The following ADAMTSL1 variants were observed in gnomAD, a reference collection of about 807,000 sequenced individuals.
ADAMTSL1 encodes the protein ADAMTS like 1, also known as ADAMTS-like protein 1.
Under a neutral mutation model 201.8 loss-of-function variants are expected in ADAMTSL1, and 126 were observed. The ratio of observed to expected loss-of-function variants is 0.62; its 90% CI spans 0.54 to 0.72. The LOEUF (loss-of-function observed/expected upper bound fraction) is 0.72, where lower values mean the gene tolerates loss of function less well. Ranked by LOEUF, ADAMTSL1 falls within the 30% of genes least tolerant of loss-of-function variation. ADAMTSL1 has a pLI of 0.00. For missense variants in ADAMTSL1, 2,679 were observed against 2,277.8 expected (o/e 1.18, Z -3.59); for synonymous variants, 1,121 against 903.4 (o/e 1.24, Z -4.32).
In ADAMTSL1 at chr9:18,151,730, ATGGCCCAAAACACATG is replaced by A. The variant is rs562702703; in HGVS notation, c.88-12117_88-12102del. 5.1e-3 allele frequency among the ~76,000 whole-genome samples: 776 copies of A among 152,194 alleles called. 3 individuals are homozygous for A. The highest frequency in any genetic ancestry group is 0.014 in the Middle Eastern group (4 of 294). On this transcript the variant is annotated intron_variant, in intron 1 of 29. Transcript: ENST00000680146. ...GAATTCCCAAATGGCCACAAGACAC[ATGGCCCAAAACACATG>A]TGGCCCAAAACACAAAAGGCCCAAA...
At chr9:18,126,881 G>A (rs189813343) in intron 1 of ADAMTSL1, among the ~76,000 whole-genome samples, 11 of 152,314 alleles carry the variant, frequency 7.2e-5, no homozygotes, top group African/African-American at 2.2e-4. Flanking sequence ...GTTGCAGTAT[G>A]AGAAGATAGA....
At chr9:18,565,529 A>G (rs1821828102) in intron 3 of ADAMTSL1, among the ~76,000 whole-genome samples, 1 of 151,740 alleles carries the variant, frequency 6.6e-6, no homozygotes, top group Admixed American at 6.6e-5. Context: ...CCTAGTATAC[A>G]TGAAAATATG....
At chr9:18,040,878 CA>C (rs1821399414) in intron 1 of ADAMTSL1, among the ~76,000 whole-genome samples, 1 of 152,058 alleles carries the variant, frequency 6.6e-6, no homozygotes. Flanking sequence ...ATCAGTTTGT[CA>C]TTATTTGTTC....
chr9:18,782,879 T>C (rs576785740), intron 19 of ADAMTSL1, among the ~76,000 whole-genome samples: 2 of 152,258 alleles, frequency 1.3e-5, no homozygotes, highest in African/African-American at 2.4e-5. Context: ...AAGAAGTCCA[T>C]TTGGCTGTAG....
At chr9:18,354,600 G>A (rs1836125217) in intron 2 of ADAMTSL1, among the ~76,000 whole-genome samples, 2 of 152,144 alleles carry the variant, frequency 1.3e-5, no homozygotes, top group Admixed American at 1.3e-4. Flanking sequence ...ATTGATGCCA[G>A]TGCAGACAGT....
chr9:18,516,550 A>T (rs1587431455), intron 2 of ADAMTSL1, among the ~76,000 whole-genome samples: 1 of 152,322 alleles, frequency 6.6e-6, no homozygotes. Context: ...AATTTGTAGC[A>T]GTGAGTTTCA....
intron 4 of ADAMTSL1, among the ~76,000 whole-genome samples, chr9:18,612,867 G>A (rs1239250154): frequency 6.6e-6 from 1 of 152,116 alleles, no homozygotes; most frequent in Admixed American, 6.6e-5. Context: ...TGACAAATGG[G>A]ATCTAATTAA....
At chr9:18,459,989 C>T (rs1056062047) in intron 2 of ADAMTSL1, among the ~76,000 whole-genome samples, 4 of 151,920 alleles carry the variant, frequency 2.6e-5, no homozygotes, top group African/African-American at 9.7e-5. Context: ...CAAGATTTGC[C>T]GAGAATATTA....
intron 2 of ADAMTSL1, among the ~76,000 whole-genome samples, chr9:18,315,891 T>C (rs868494379): frequency 1.2e-4 from 19 of 152,194 alleles, no homozygotes; most frequent in African/African-American, 4.6e-4. Context: ...CTCTCTCTGA[T>C]CTAGCAATCC....
At chr9:18,471,501 T>G (rs1486122459), upstream of ADAMTSL1, among the ~76,000 whole-genome samples, 1 of 152,228 alleles carries the variant, frequency 6.6e-6, no homozygotes, top group Non-Finnish European at 1.5e-5. Flanking sequence ...ACCATAAAGA[T>G]GGCATGTACA....
chr9:18,164,276 T>C (rs1827536248), intron 2 of ADAMTSL1, among the ~76,000 whole-genome samples: 1 of 151,966 alleles, frequency 6.6e-6, no homozygotes, highest in South Asian at 2.1e-4. Flanking sequence ...AGTCTGAACA[T>C]GAAATGGTAA....
intron 1 of ADAMTSL1, among the ~76,000 whole-genome samples, chr9:18,125,585 T>C (rs1398825103): frequency 6.6e-6 from 1 of 152,196 alleles, no homozygotes; most frequent in Admixed American, 6.5e-5. Flanking sequence ...GTGATCCATT[T>C]TGAGTTACAT....
At chr9:17,940,810 C>CT (rs996793808) in intron 1 of ADAMTSL1, among the ~76,000 whole-genome samples, 1 of 64,462 alleles carries the variant, frequency 1.6e-5, no homozygotes, top group Non-Finnish European at 3.1e-5. Context: ...ACACCCCCCC[C>CT]CCAAAAAAAA....
intron 1 of ADAMTSL1, among the ~76,000 whole-genome samples, chr9:17,917,161 T>C (rs1826126446): frequency 6.6e-6 from 1 of 152,178 alleles, no homozygotes; most frequent in African/African-American, 2.4e-5. Flanking sequence ...CAATATGTAG[T>C]ATATTCCATC....
intron 22 of ADAMTSL1, among the ~76,000 whole-genome samples, chr9:18,827,755 C>T (rs1195688126): frequency 6.6e-6 from 1 of 152,138 alleles, no homozygotes; most frequent in African/African-American, 2.4e-5. Flanking sequence ...CAGGTGCTTA[C>T]TGCATTCCAA....
At position 18,826,296 on chromosome 9, in the gene ADAMTSL1, C is replaced by G. The variant is rs1824554902; in HGVS notation, c.3947C>G (p.Ala1316Gly). The G allele has an allele frequency of 6.2e-7, 1 of 1,610,532 alleles. No homozygotes were observed. Among genetic ancestry groups the G allele is most frequent in the Non-Finnish European group, 8.5e-7 (1 of 1,179,030 alleles). ...INCQVAGVPE[A>G]EVTWFRNKSK... Reference sequence around the variant, plus strand: ...TTTTTCTTCCTAGGAGTGCCTGAAGCTGAAGTCACTTGGTTCAGGAATAAA... The same window carrying G: ...TTTTTCTTCCTAGGAGTGCCTGAAGGTGAAGTCACTTGGTTCAGGAATAAA... The change falls in exon 22 of 29, where the codon GCT becomes GGT. Residue 1316 changes from alanine (A) to glycine (G), a missense_variant. Ala to Gly is a moderately conservative substitution (Grantham distance 60). Transcript: ENST00000380548.
intron 2 of ADAMTSL1, among the ~76,000 whole-genome samples, chr9:18,376,927 C>T (rs1043487525): frequency 7.2e-5 from 11 of 152,170 alleles, no homozygotes; most frequent in Admixed American, 2.0e-4. Context: ...AAATAAAATA[C>T]GTTTTTATTT....
chr9:18,762,445 G>A (rs1161758735), intron 16 of ADAMTSL1, among the ~76,000 whole-genome samples: 2 of 152,128 alleles, frequency 1.3e-5, no homozygotes, highest in African/African-American at 4.8e-5. Flanking sequence ...TGTGAAATAA[G>A]TACATCTTGA....
At chr9:18,790,320 A>C (rs1224977703) in intron 19 of ADAMTSL1, among the ~76,000 whole-genome samples, 2 of 152,118 alleles carry the variant, frequency 1.3e-5, no homozygotes, top group Admixed American at 1.3e-4. Flanking sequence ...TCTTGGTTCC[A>C]ATTTGGGAAG....
Sources: gnomAD v4.1 joint callset for allele counts (sites outside exome capture counted in the v4.1 genomes callset) on GRCh38, gnomAD v4.1.1 for gene constraint, MANE v1.5 for transcripts, NCBI Gene and HGNC (gene_info 2026-07-23, HGNC 2026-07-21) for gene names.